CYREN: variants seen among roughly 807,000 people sequenced by gnomAD.
The protein encoded by CYREN is cell cycle regulator of non-homologous end joining.
A neutral mutation model predicts 9.7 loss-of-function variants in CYREN; 7 were observed. That is an observed-to-expected ratio of 0.72 (90% CI 0.41 to 1.36). The LOEUF (loss-of-function observed/expected upper bound fraction) is 1.36. Ranked by LOEUF, CYREN falls within the 40% of genes most tolerant of loss-of-function variation. The probability of loss-of-function intolerance (pLI) is 0.01; values close to 1 mark genes in which losing one functional copy is unlikely to be tolerated. For missense variants in CYREN, 215 were observed against 198.1 expected, an observed-to-expected ratio of 1.09 and a Z score of -0.51; for synonymous variants, 76 against 77.9, an observed-to-expected ratio of 0.98 and a Z score of 0.13.
intron 2 of CYREN, among the ~76,000 whole-genome samples, chr7:135,150,223 T>A (rs1829635664): frequency 6.6e-6 from 1 of 152,208 alleles, no homozygotes; most frequent in Non-Finnish European, 1.5e-5. Context: ...CAGTATTAGT[T>A]AATGAAGAAC....
rs747543546 is a variant in CYREN, at chr7:135,151,487, T to G, written n.356+17262A>C. Among the ~76,000 whole-genome samples, 114 of 152,228 alleles carry G rather than the reference T, an allele frequency of 7.5e-4. No individual in the cohort carries two copies. Among genetic ancestry groups the G allele is most frequent in the Non-Finnish European group, 1.4e-3 (97 of 68,042 alleles). ...CCTTGTTCTATGCCCTGGCAAGCTC[T>G]GTTGCCCCGGCTTTATTCTGCTAAC... On this transcript the variant is annotated intron_variant and non_coding_transcript_variant, in intron 2 of 2. Transcript: ENST00000459937. The surrounding 1 kb of genome is among the most constrained non-coding windows in gnomAD (Gnocchi z 4.3).
At chr7:135,131,485 A>C (rs962041970) in intron 2 of CYREN, among the ~76,000 whole-genome samples, 1 of 152,126 alleles carries the variant, frequency 6.6e-6, no homozygotes, top group African/African-American at 2.4e-5. Context: ...AAAGGAAGTA[A>C]AAATATGTAT....
chr7:135,096,101 G>A (rs1473356208), intron 2 of CYREN, among the ~76,000 whole-genome samples: 1 of 151,762 alleles, frequency 6.6e-6, no homozygotes, highest in African/African-American at 2.4e-5. Flanking sequence ...GCAGTGAGCT[G>A]AGATCATGCC....
chr7:135,142,728 A>G (rs1483056100), intron 2 of CYREN, among the ~76,000 whole-genome samples: 1 of 152,190 alleles, frequency 6.6e-6, no homozygotes, highest in Non-Finnish European at 1.5e-5. Context: ...CATTGACATT[A>G]GCACCAAAAA....
chr7:135,111,274 C>T (rs542158116), intron 2 of CYREN, among the ~76,000 whole-genome samples: 3 of 152,254 alleles, frequency 2.0e-5, no homozygotes, highest in East Asian at 3.9e-4. Flanking sequence ...TAATTACTGC[C>T]GTCTTACTCA....
chr7:135,113,107 A>C (rs963753047), intron 2 of CYREN, among the ~76,000 whole-genome samples: 8 of 152,240 alleles, frequency 5.3e-5, no homozygotes, highest in Admixed American at 5.2e-4. Context: ...TGAGTGGCCT[A>C]AGAATGGCTT....
chr7:135,096,151 C>CAAAA (rs201040922), intron 2 of CYREN, among the ~76,000 whole-genome samples: 225 of 147,920 alleles, frequency 1.5e-3, no homozygotes, highest in African/African-American at 2.9e-3. Context: ...GACTCTCTCT[C>CAAAA]AAAAAAAAAA....
At chr7:135,096,083 C>T (rs1822626924) in intron 2 of CYREN, among the ~76,000 whole-genome samples, 2 of 151,550 alleles carry the variant, frequency 1.3e-5, no homozygotes, top group Admixed American at 1.3e-4. Context: ...ACCTGGGAGG[C>T]GGAGGTTGCA....
chr7:135,133,067 GCACACACA>G (rs55861736), intron 2 of CYREN, among the ~76,000 whole-genome samples: 11,815 of 150,404 alleles, frequency 0.079, 487 homozygotes, highest in Middle Eastern at 0.19. Flanking sequence ...ACGCATGCGT[GCACACACA>G]CACACACACA....
intron 2 of CYREN, chr7:135,152,850 A>G (rs1278208727): frequency 1.3e-5 from 2 of 152,236 alleles, no homozygotes; most frequent in South Asian, 2.1e-4. Flanking sequence ...AAATTAAAAC[A>G]TGTAAGTTCC....
chr7:135,167,206 C>A (rs1830225108), intron 3 of CYREN: 1 of 985,274 alleles, frequency 1.0e-6, no homozygotes, highest in Non-Finnish European at 1.2e-6. Context: ...TGGGCCCATG[C>A]CTTAGCACTA....
At chr7:135,103,534 C>A (rs1165372732) in intron 2 of CYREN, among the ~76,000 whole-genome samples, 1 of 152,130 alleles carries the variant, frequency 6.6e-6, no homozygotes, top group African/African-American at 2.4e-5. Context: ...TTTATCTGAT[C>A]CGTCTGCACT....
intron 2 of CYREN, chr7:135,128,493 T>C (rs1828268837): frequency 2.6e-6 from 2 of 755,786 alleles, no homozygotes; most frequent in Non-Finnish European, 5.0e-6. Context: ...CCCCAGTGAG[T>C]ATTTACGATG....
chr7:135,167,327 T>C (rs1350782124), intron 3 of CYREN: 1 of 1,074,352 alleles, frequency 9.3e-7, no homozygotes, highest in African/African-American at 1.7e-5. Context: ...ACTGCAATTA[T>C]TACTGCAGGA....
chr7:135,135,289 T>C, intron 2 of CYREN: 1 of 1,449,896 alleles, frequency 6.9e-7, no homozygotes, highest in Non-Finnish European at 9.1e-7. Flanking sequence ...CTGAGAACTG[T>C]GAATGAAGGA....
At chr7:135,155,509 C>T (rs10272183) in intron 2 of CYREN, among the ~76,000 whole-genome samples, 73,803 of 152,010 alleles carry the variant, frequency 0.49, 18,267 homozygotes, top group South Asian at 0.66. Context: ...GAGTTTTATA[C>T]TTCTGTATGT....
At chr7:135,100,782 G>A (rs1199148424) in intron 2 of CYREN, among the ~76,000 whole-genome samples, 1 of 152,144 alleles carries the variant, frequency 6.6e-6, no homozygotes, top group East Asian at 1.9e-4. Context: ...GACAAAAGAA[G>A]GTAATAGAAA....
At position 135,166,627 on chromosome 7, in the gene CYREN, T is replaced by G. The variant is rs780918206; in HGVS notation, c.458A>C (p.Glu153Ala). 4 of 1,598,246 alleles carry G rather than the reference T, an allele frequency of 2.5e-6. No homozygotes were observed. The East Asian group carries it at 8.9e-5, about 36-fold the overall frequency. Residue 153 changes from glutamate to alanine, a missense_variant, in exon 4 of 4, where the codon GAG (glutamate) becomes GCG (alanine). Transcript: ENST00000393114. ...GTTTATGCCCTAGCTGAAAAAGATC[T>G]CCCGGACGTATTTCAGCACATCCTC... ...EEEDVLKYVR[E>A]IFFS
chr7:135,105,750 C>T (rs1457079847), intron 2 of CYREN, among the ~76,000 whole-genome samples: 2 of 152,000 alleles, frequency 1.3e-5, no homozygotes, highest in Non-Finnish European at 2.9e-5. Flanking sequence ...ATGATTTTTA[C>T]AATAATTTTT....
Sources: allele counts gnomAD v4.1 joint callset (sites outside exome capture counted in the v4.1 genomes callset), GRCh38; gene constraint gnomAD v4.1.1; non-coding constraint Gnocchi (gnomAD v3.1); transcripts MANE v1.5; gene names NCBI Gene and HGNC (gene_info 2026-07-23, HGNC 2026-07-21).